Variants in TTN observed in about 807,000 individuals in gnomAD.
TTN encodes titin, also known as connectin.
Under a neutral mutation model 3,223.0 loss-of-function variants are expected in TTN, and 1,525 were observed. The ratio of observed to expected loss-of-function variants is 0.47; its 90% CI spans 0.45 to 0.49. The LOEUF is 0.49. Among genes scored for constraint, TTN ranks in the 20% least tolerant of loss-of-function variants. The probability of loss-of-function intolerance (pLI) is 0.00; values close to 1 mark genes in which losing one functional copy is unlikely to be tolerated. For synonymous variants in TTN, 14,094 were observed against 15,161.0 expected, an observed-to-expected ratio of 0.93 and a Z score of 5.17; for missense variants, 40,786 against 43,424.0, an observed-to-expected ratio of 0.94 and a Z score of 5.40.
chr2:178,559,835 A>C lies in TTN; in HGVS notation c.86297T>G (p.Val28766Gly). Residue 28766 changes from valine to glycine, a missense_variant, in exon 326 of 363, where the codon GTC becomes GGC. Transcript: ENST00000589042. ...CATGGTAAATGAGGCACCAGCCTTG[A>C]CAATCAAGGTCTTCCTCATTTCACT... ...IDSEMRKTLI[V>G]KAGASFTMTV... is the part of the protein sequence containing the mutation. 6.2e-7 allele frequency: 1 copy of C among 1,610,842 alleles called. No homozygotes were observed. Among genetic ancestry groups the C allele is most frequent in the Non-Finnish European group, 8.5e-7 (1 of 1,179,640 alleles).
Position 178,534,826 on chromosome 2 carries a change from A to G in TTN, c.101789T>C (p.Leu33930Ser). ...AAAGTGTCCAATATTATGACTGTGT[A>G]AAAACTGAAGTGCTTCACAGACCTG... ...VHQVCEALQF[L>S]HSHNIGHFDI... Residue 33930 changes from leucine (L) to serine (S), a missense_variant, in exon 358 of 363, where the codon TTA becomes TCA. Coordinates refer to ENST00000589042, the MANE Select transcript of TTN (RefSeq NM_001267550.2). The G allele has an allele frequency of 1.2e-6, 2 of 1,610,406 alleles. No individual in the cohort carries two copies. Among genetic ancestry groups the G allele is most frequent in the Non-Finnish European group, 1.7e-6 (2 of 1,179,798 alleles).
chr2:178,615,746 G>T lies in TTN; in HGVS notation c.48355C>A (p.Leu16119Ile), dbSNP rs1576477522. The T allele has an allele frequency of 6.2e-7, 1 of 1,612,060 alleles. No individual in the cohort carries two copies. Among genetic ancestry groups the T allele is most frequent in the Non-Finnish European group, 8.5e-7 (1 of 1,178,780 alleles). Residue 16119 changes from leucine (L) to isoleucine (I), a missense_variant, in exon 258 of 363, where the codon CTT becomes ATT. Transcript: ENST00000589042. Reference protein sequence around the residue: ...VTDLEFTVPDLVQGKEYLFKV... With the variant: ...VTDLEFTVPDIVQGKEYLFKV... ...AATAAGTACTCTTTTCCTTGAACAA[G>T]ATCAGGAACTGTGAATTCTAGATCA... is the stretch of plus-strand genomic sequence containing the variant.
chr2:178,622,158 C>G, intron 243 of TTN, 150 bp from the exon 244 acceptor site: 2 of 703,234 alleles, frequency 2.8e-6, no homozygotes, highest in Non-Finnish European at 4.6e-6. Context: ...CAAATATAAA[C>G]AAACCCCAAA....
chr2:178,715,585 T>C lies in TTN; in HGVS notation c.25829A>G (p.His8610Arg), dbSNP rs561059250. Residue 8610 changes from histidine to arginine, a missense_variant, in exon 89 of 363, where the codon CAC becomes CGC. Coordinates refer to ENST00000589042, the MANE Select transcript of TTN (RefSeq NM_001267550.2). ...TCCACTGTCTTCAACACTGAGATTG[T>C]GCATTTCCAGCACAGCCACCGAGTC... ...FVDSVAVLEM[H>R]NLSVEDSGDY... 32 of 1,613,628 alleles carry C rather than the reference T, an allele frequency of 2.0e-5. No individual in the cohort carries two copies. The East Asian group carries it at 2.0e-4, about 10-fold the overall frequency.
chr2:178,746,097 T>C (rs759838124), intron 47 of TTN: 5 of 1,613,472 alleles, frequency 3.1e-6, no homozygotes, highest in Non-Finnish European at 1.7e-6. Context: ...AGAGTGTGAC[T>C]TCCCTTCTCC....
Position 178,614,857 on chromosome 2 carries a change from C to T in TTN, c.48750G>A (p.Val16250=). The change falls in exon 260 of 363, where the codon GTG becomes GTA. Residue 16250 remains valine, a synonymous_variant. Coordinates refer to ENST00000589042, the MANE Select transcript of TTN (RefSeq NM_001267550.2). ...ATCAAAAATAGATACCTTGTGTGTC[C>T]ACAGCCTGGATTTCCTCTGTGGGTC... The part of the protein sequence containing the change: ...PSRPTEEIQA[V]DTQEAPEIFL... 6.4e-7 allele frequency: 1 copy of T among 1,571,776 alleles called. No homozygotes were observed. The highest frequency in any genetic ancestry group is 8.6e-7 in the Non-Finnish European group (1 of 1,157,152).
intron 273 of TTN, 51 bp downstream of exon 273, chr2:178,609,155 TTA>T (rs2055681083): frequency 1.4e-6 from 2 of 1,436,798 alleles, no homozygotes; most frequent in Non-Finnish European, 9.1e-7. Flanking sequence ...CTTTTTATTT[TTA>T]TGTTTTACTA....
At position 178,707,665 on chromosome 2, in the gene TTN, G is replaced by C; in HGVS notation, c.28902C>G (p.Asp9634Glu). 6.2e-7 allele frequency: 1 copy of C among 1,613,908 alleles called. No individual in the cohort carries two copies. Among genetic ancestry groups the C allele is most frequent in the Non-Finnish European group, 8.5e-7 (1 of 1,179,862 alleles). ...CACTAGCAAAGCTGAAGCTGCATCT[G>C]TCTGAAGGCTTTATTTCCCTGCCAG... Reference protein sequence around the residue: ...LKAGREIKPSDRCSFSFASGT... With the variant: ...LKAGREIKPSERCSFSFASGT... The change falls in exon 100 of 363, where the codon GAC becomes GAG. Residue 9634 changes from aspartate (D) to glutamate (E), a missense_variant. Asp to Glu is a conservative substitution (Grantham distance 45). Coordinates refer to ENST00000589042, the MANE Select transcript of TTN (RefSeq NM_001267550.2).
In TTN at chr2:178,548,524, T is replaced by C. The variant is rs768481771; in HGVS notation, c.93102A>G (p.Thr31034=). Residue 31034 remains threonine, a synonymous_variant, in exon 339 of 363, where the codon ACA becomes ACG. Transcript: ENST00000589042. The surrounding 1 kb of genome is among the most constrained non-coding windows in gnomAD (Gnocchi z 4.3). ...TFKDVTRGSA[T]LMWDAPLLDG... Reference sequence around the variant, plus strand: ...CAAGAAGAGGGGCATCCCACATCAATGTAGCAGATCCCCGGGTCACATCTT... The same window carrying C: ...CAAGAAGAGGGGCATCCCACATCAACGTAGCAGATCCCCGGGTCACATCTT... 1.2e-6 allele frequency: 2 copies of C among 1,613,816 alleles called. No homozygotes were observed. The highest frequency in any genetic ancestry group is 2.2e-5 in the East Asian group (1 of 44,866).
At position 178,682,698 on chromosome 2, in the gene TTN, T is replaced by G. The variant is rs1560345828; in HGVS notation, c.33093A>C (p.Thr11031=). 1 of 1,610,064 alleles carries G rather than the reference T, an allele frequency of 6.2e-7. No individual in the cohort carries two copies. The highest frequency in any genetic ancestry group is 8.5e-7 in the Non-Finnish European group (1 of 1,178,404). The part of the protein sequence containing the change: ...ERYEEHEEYI[T]EPEKPIPVKP... ...TTGAGTTTGCAGTTTTGCTCATACC[T>G]GTGATGTATTCTTCATGCTCTTCAT... The change falls in exon 135 of 363, where the codon ACA becomes ACC. Residue 11031 remains threonine (T), a splice_region_variant and synonymous_variant. Transcript: ENST00000589042.
At chr2:178,538,385 T>G (rs1474995941) in intron 354 of TTN, 155 bp downstream of exon 354, 1 of 700,828 alleles carries the variant, frequency 1.4e-6, no homozygotes, top group Non-Finnish European at 2.2e-6. Context: ...TGGTTTCCTG[T>G]AGAACTTGTC....
At chr2:178,726,579 T>C (rs1164462564) in intron 69 of TTN, 1 of 151,850 alleles carries the variant, frequency 6.6e-6, no homozygotes, top group Non-Finnish European at 1.5e-5. Flanking sequence ...ACACAGATAC[T>C]ATTTGTACCA....
At chr2:178,738,395 C>T (rs2081903722) in intron 48 of TTN, 35 bp from the exon 49 acceptor site, 1 of 1,573,284 alleles carries the variant, frequency 6.4e-7, no homozygotes, top group Non-Finnish European at 8.6e-7. Context: ...AACATGCCTC[C>T]TTATCAGGCA....
At chr2:178,606,270 T>G (rs894008530) in intron 278 of TTN, among the ~76,000 whole-genome samples, 11 of 152,000 alleles carry the variant, frequency 7.2e-5, no homozygotes, top group Admixed American at 4.6e-4. Flanking sequence ...TGACTGTTAT[T>G]GCAACCAGAA....
intron 43 of TTN, among the ~76,000 whole-genome samples, chr2:178,759,778 A>C (rs2154337216): frequency 6.6e-6 from 1 of 152,324 alleles, no homozygotes; most frequent in South Asian, 2.1e-4. Flanking sequence ...TTTTTAAATA[A>C]AGAGGGTGAT....
intron 4 of TTN, among the ~76,000 whole-genome samples, 200 bp downstream of exon 4, chr2:178,800,195 T>G (rs2093987423): frequency 6.6e-6 from 1 of 152,224 alleles, no homozygotes; most frequent in Non-Finnish European, 1.5e-5. Flanking sequence ...TATAATGAGA[T>G]TCATAAGCAC....
intron 47 of TTN, chr2:178,748,898 T>C: frequency 6.2e-7 from 1 of 1,612,464 alleles, no homozygotes; most frequent in Non-Finnish European, 8.5e-7. Context: ...TGATCTTGAT[T>C]CTCTTTGCTT....
rs1284115839 is a variant in TTN at position 178,531,937 on chromosome 2, T to G, written c.104678A>C (p.Glu34893Ala). 1 of 1,613,458 alleles carries G rather than the reference T, an allele frequency of 6.2e-7. No individual in the cohort carries two copies. Among genetic ancestry groups the G allele is most frequent in the Non-Finnish European group, 8.5e-7 (1 of 1,179,686 alleles). ...RPRSPSPVSS[E>A]RSLSRFERSA... ...CCTCTCAAATCTCGAGAGTGATCTC[T>G]CACTAGACACAGGGCTGGGGGATCG... The change falls in exon 358 of 363, where the codon GAG (glutamate) becomes GCG (alanine). Residue 34893 changes from glutamate to alanine, a missense_variant. Transcript: ENST00000589042.
chr2:178,540,919 T>C (rs1694158180), intron 350 of TTN, among the ~76,000 whole-genome samples: 1 of 152,218 alleles, frequency 6.6e-6, no homozygotes, highest in Non-Finnish European at 1.5e-5. Flanking sequence ...TCACTATTAT[T>C]ATCTTACATT....
Sources: allele counts gnomAD v4.1 joint callset (sites outside exome capture counted in the v4.1 genomes callset), GRCh38; gene constraint gnomAD v4.1.1; non-coding constraint Gnocchi (gnomAD v3.1); transcripts MANE v1.5; gene names NCBI Gene and HGNC (gene_info 2026-07-23, HGNC 2026-07-21).